RSL1D1: variants seen among roughly 807,000 people sequenced by gnomAD.
RSL1D1 encodes the protein ribosomal L1 domain-containing protein 1.
RSL1D1 carries 34 observed loss-of-function variants against 44.6 expected under a neutral mutation model. That is an observed-to-expected ratio of 0.76 (90% CI 0.58 to 1.02). The LOEUF (loss-of-function observed/expected upper bound fraction) is 1.02. RSL1D1 is among the 50% of genes least tolerant of loss of function. The pLI is 0.00. For synonymous variants in RSL1D1, 271 were observed against 207.4 expected, an observed-to-expected ratio of 1.31 and a Z score of -2.63; for missense variants, 767 against 568.1, an observed-to-expected ratio of 1.35 and a Z score of -3.56.
intron 5 of RSL1D1, among the ~76,000 whole-genome samples, chr16:11,845,429 C>T (rs996029848): frequency 6.6e-6 from 1 of 152,146 alleles, no homozygotes; most frequent in African/African-American, 2.4e-5. Context: ...TGCAGTGGCA[C>T]GATAAAGGAC....
intron 8 of RSL1D1, 114 bp downstream of exon 8, chr16:11,839,581 C>A: frequency 3.1e-6 from 4 of 1,277,098 alleles, no homozygotes; most frequent in East Asian, 2.7e-5. Context: ...ACCACCTTCA[C>A]AGTTCTTTGG....
intron 5 of RSL1D1, among the ~76,000 whole-genome samples, chr16:11,846,169 G>T (rs1251596091): frequency 6.6e-6 from 1 of 151,596 alleles, no homozygotes; most frequent in Non-Finnish European, 1.5e-5. Flanking sequence ...AAGGCGGGCG[G>T]ATCATGAGGT....
At chr16:11,841,400 CCT>C (rs1423386254) in intron 7 of RSL1D1, 1 of 273,652 alleles carries the variant, frequency 3.7e-6, no homozygotes, top group Non-Finnish European at 7.1e-6. Context: ...AGAGTGAGAC[CCT>C]GTCTCTCTAA....
intron 8 of RSL1D1, among the ~76,000 whole-genome samples, chr16:11,839,292 G>C (rs1180322491): frequency 6.6e-6 from 1 of 151,344 alleles, no homozygotes; most frequent in East Asian, 2.0e-4. Flanking sequence ...CTTGAACCAG[G>C]GAGGCGGAGG....
At chr16:11,838,528 C>T (rs1434312326) in intron 8 of RSL1D1, among the ~76,000 whole-genome samples, 1 of 151,934 alleles carries the variant, frequency 6.6e-6, no homozygotes, top group Non-Finnish European at 1.5e-5. Flanking sequence ...AAAGGTACAC[C>T]TCAGTATGAT....
At chr16:11,850,548 A>G (rs1307274357) in intron 1 of RSL1D1, 130 bp from the exon 2 acceptor site, 3 of 842,142 alleles carry the variant, frequency 3.6e-6, no homozygotes, top group Non-Finnish European at 5.5e-6. Flanking sequence ...TCCAACTTCT[A>G]TTTCAAGGGG....
rs1169874092 is a variant in RSL1D1, at chr16:11,839,858, G to C, written c.983C>G (p.Thr328Ser). Residue 328 changes from threonine (T) to serine (S), a missense_variant, in exon 8 of 9, where the codon ACT (threonine) becomes AGT (serine). Coordinates refer to ENST00000571133, the MANE Select transcript of RSL1D1 (RefSeq NM_015659.3). ...KDDVAPESGD[T>S]TVKKPESKKE... ...CTTTGATTCAGGTTTCTTCACTGTA[G>C]TATCACCACTTTCAGGTGCCACATC... 1.2e-6 allele frequency: 2 copies of C among 1,614,062 alleles called. No individual in the cohort carries two copies. Among genetic ancestry groups the C allele is most frequent in the Non-Finnish European group, 1.7e-6 (2 of 1,180,022 alleles).
Position 11,837,595 on chromosome 16 carries a change from C to A in RSL1D1, c.*192G>T. On this transcript the variant is annotated 3_prime_UTR_variant, in exon 9 of 9. Transcript: ENST00000571133. ...CGATCTCGTTGACCTTGTGATCCGC[C>A]TGCCTCGGCCTCCCAAAGTGCTGGG... is the stretch of plus-strand genomic sequence containing the variant. 2 of 538,734 alleles carry A rather than the reference C, an allele frequency of 3.7e-6. No individual in the cohort carries two copies. Among genetic ancestry groups the A allele is most frequent in the South Asian group, 5.4e-5 (2 of 37,236 alleles). The allele number at this position is 538,734 out of a possible 1,614,324, so 33.4% of individuals were successfully genotyped here.
At chr16:11,844,280 T>G (rs1050651109) in intron 5 of RSL1D1, among the ~76,000 whole-genome samples, 1 of 152,196 alleles carries the variant, frequency 6.6e-6, no homozygotes, top group Non-Finnish European at 1.5e-5. Flanking sequence ...TAAAGAATGA[T>G]TTCTTTTTTT....
rs2053765635 is a variant in RSL1D1, at chr16:11,841,823, GAAAC to G, written c.730-7_730-4del. 6.2e-7 allele frequency: 1 copy of G among 1,612,512 alleles called. No homozygotes were observed. Among genetic ancestry groups the G allele is most frequent in the Non-Finnish European group, 8.5e-7 (1 of 1,179,632 alleles). On this transcript the variant is annotated splice_polypyrimidine_tract_variant and splice_region_variant and intron_variant, in intron 6 of 8. Transcript: ENST00000571133. The stretch of plus-strand genomic sequence containing the variant: ...AGGAGTTTCACGCTCTCCCACTTCT[GAAAC>G]AAAGAAAAGAGTAACATCGTCTACA...
intron 5 of RSL1D1, among the ~76,000 whole-genome samples, chr16:11,842,654 ATG>A (rs1330148501): frequency 4.5e-5 from 6 of 134,410 alleles, no homozygotes; most frequent in African/African-American, 1.8e-4. Context: ...GATTATACAC[ATG>A]AGTCACCACA....
At chr16:11,842,108 C>G in intron 5 of RSL1D1, 108 bp from the exon 6 acceptor site, 1 of 823,942 alleles carries the variant, frequency 1.2e-6, no homozygotes, top group Non-Finnish European at 1.8e-6. Context: ...TTTTCTTTTT[C>G]TTTTAAAAAG....
chr16:11,841,766 G>C lies in RSL1D1; in HGVS notation c.784C>G (p.Pro262Ala). 1.9e-6 allele frequency: 3 copies of C among 1,614,068 alleles called. No homozygotes were observed. Among genetic ancestry groups the C allele is most frequent in the Non-Finnish European group, 2.5e-6 (3 of 1,179,966 alleles). Residue 262 changes from proline to alanine, a missense_variant, in exon 7 of 9, where the codon CCC becomes GCC. By Grantham distance (27) the Pro-to-Ala change is conservative (BLOSUM62 -1). Transcript: ENST00000571133. ...TTGCTGACAAACGAGGAAAAGATGGGAAGTGCAGCCGATTTCTCAGTTTTC... is the reference window on the plus strand; with the variant it reads ...TTGCTGACAAACGAGGAAAAGATGGCAAGTGCAGCCGATTTCTCAGTTTTC... The part of the protein sequence containing the change: ...FVKTEKSAAL[P>A]IFSSFVSNWD...
Position 11,847,745 on chromosome 16 carries a change from G to A in RSL1D1, c.307C>T (p.Pro103Ser). 1 of 1,612,752 alleles carries A rather than the reference G, an allele frequency of 6.2e-7. No individual in the cohort carries two copies. The highest frequency in any genetic ancestry group is 8.5e-7 in the Non-Finnish European group (1 of 1,178,910). Residue 103 changes from proline (P) to serine (S), a missense_variant, in exon 3 of 9, where the codon CCC (proline) becomes TCC (serine). Coordinates refer to ENST00000571133, the MANE Select transcript of RSL1D1 (RefSeq NM_015659.3). ...EDICLFTKDE[P>S]NSTPEKTEQF... ...TCTGTCTTTTCAGGAGTTGAATTGG[G>A]TTCATCCTTCGTAAATAAACAGATA... is the stretch of plus-strand genomic sequence containing the variant.
In RSL1D1 at chr16:11,835,087, A is replaced by G. The variant is rs920493441; in HGVS notation, c.*2700T>C. 6.6e-6 allele frequency: 1 copy of G among 152,204 alleles called. No homozygotes were observed. The highest frequency in any genetic ancestry group is 2.4e-5 in the African/African-American group (1 of 41,426). The allele number at this position is 152,204 out of a possible 1,614,324, so 9.4% of individuals were successfully genotyped here. A position where few individuals can be genotyped will look rare whatever the true frequency, so the allele number is the denominator to read the frequency against. ...GACACTAGTGCACTCCAGCCTGGGG[A>G]ACAGAGTAAGACCATCTCCCCCACT... is the stretch of plus-strand genomic sequence containing the variant. On this transcript the variant is annotated 3_prime_UTR_variant, in exon 9 of 9. Coordinates refer to ENST00000571133, the MANE Select transcript of RSL1D1 (RefSeq NM_015659.3).
At chr16:11,841,425 A>G in intron 7 of RSL1D1, 2 of 293,202 alleles carry the variant, frequency 6.8e-6, no homozygotes, top group South Asian at 7.0e-5. Flanking sequence ...AAACCCAGCA[A>G]GCACTGGATC....
At chr16:11,848,431 T>C (rs1439316309) in intron 2 of RSL1D1, among the ~76,000 whole-genome samples, 1 of 152,230 alleles carries the variant, frequency 6.6e-6, no homozygotes, top group Admixed American at 6.5e-5. Context: ...ACACGTACTG[T>C]AATGCGCTAT....
In RSL1D1 at chr16:11,837,799, G is replaced by A. The variant is rs749354828; in HGVS notation, c.1461C>T (p.Pro487=). 6.2e-7 allele frequency: 1 copy of A among 1,608,614 alleles called. No homozygotes were observed. The highest frequency in any genetic ancestry group is 1.1e-5 in the South Asian group (1 of 90,402). ...TGAATCACTGACTTTAGGTCGACTG[G>A]GGTACTTTGGGTTTTTTGGGCCATT... ...PKKWPKKPKV[P]QST Residue 487 remains proline, a synonymous_variant, in exon 9 of 9, where the codon CCC becomes CCT. Transcript: ENST00000571133.
Position 11,846,796 on chromosome 16 carries a change from G to A in RSL1D1, c.432C>T (p.Ala144=), listed in dbSNP as rs2053801971. The A allele has an allele frequency of 1.2e-6, 2 of 1,612,704 alleles. No individual in the cohort carries two copies. The highest frequency in any genetic ancestry group is 2.2e-5 in the South Asian group (2 of 91,080). ...TLKKEYKSYE[A]KLRLLSSFDF... ...CAAAACTGCTCAGAAGGCGGAGCTT[G>A]GCTTCATAGGATTTATATTCCTTCT... The change falls in exon 4 of 9, where the codon GCC becomes GCT. Residue 144 remains alanine, a synonymous_variant. Coordinates refer to ENST00000571133, the MANE Select transcript of RSL1D1 (RefSeq NM_015659.3).
Sources: allele counts gnomAD v4.1 joint callset (sites outside exome capture counted in the v4.1 genomes callset), GRCh38; gene constraint gnomAD v4.1.1; transcripts MANE v1.5; gene names NCBI Gene and HGNC (gene_info 2026-07-23, HGNC 2026-07-21).